The following TSPAN18 variants were observed in gnomAD, a reference collection of about 807,000 sequenced individuals.
TSPAN18 encodes tetraspanin 18, also known as tetraspanin-18.
A neutral mutation model predicts 27.3 loss-of-function variants in TSPAN18; 14 were observed. That is an observed-to-expected ratio of 0.51 (90% CI 0.34 to 0.80). TSPAN18 has a LOEUF of 0.80. TSPAN18 is among the 30% of genes least tolerant of loss of function. The probability of loss-of-function intolerance (pLI) is 0.01; values close to 1 mark genes in which losing one functional copy is unlikely to be tolerated. For missense variants in TSPAN18, 268 were observed against 323.9 expected, an observed-to-expected ratio of 0.83 and a Z score of 1.32; for synonymous variants, 143 against 136.5, an observed-to-expected ratio of 1.05 and a Z score of -0.33.
intron 2 of TSPAN18, among the ~76,000 whole-genome samples, chr11:44,809,837 C>T (rs965578690): frequency 1.3e-5 from 2 of 152,178 alleles, no homozygotes; most frequent in African/African-American, 2.4e-5. Context: ...TTCAGCACAG[C>T]GATTGGGCCA....
chr11:44,817,558 A>C (rs1348853332), intron 2 of TSPAN18, among the ~76,000 whole-genome samples: 2 of 152,208 alleles, frequency 1.3e-5, no homozygotes, highest in Non-Finnish European at 2.9e-5. Context: ...TTTTCTTCTC[A>C]CAGCAATTGA....
chr11:44,791,082 T>C (rs1002486800), intron 2 of TSPAN18, among the ~76,000 whole-genome samples: 1 of 152,198 alleles, frequency 6.6e-6, no homozygotes, highest in African/African-American at 2.4e-5. Flanking sequence ...TCCAGTCTGC[T>C]GCTGTCTCAA....
chr11:44,749,061 G>A (rs1855149300), intron 1 of TSPAN18, among the ~76,000 whole-genome samples: 1 of 152,212 alleles, frequency 6.6e-6, no homozygotes, highest in Admixed American at 6.5e-5. Context: ...GTCTGGCAGA[G>A]CTGGATCTGC....
chr11:44,749,326 A>G (rs985238456), intron 1 of TSPAN18, among the ~76,000 whole-genome samples: 63 of 152,346 alleles, frequency 4.1e-4, no homozygotes, highest in African/African-American at 1.5e-3. Context: ...GAGGGAGGTA[A>G]ACTGCCTGGG....
chr11:44,859,291 G>C (rs907365619), intron 2 of TSPAN18, among the ~76,000 whole-genome samples: 2 of 152,182 alleles, frequency 1.3e-5, no homozygotes, highest in African/African-American at 4.8e-5. Flanking sequence ...TGGTGTTCCA[G>C]GTCCCCTGAC....
chr11:44,849,152 G>T (rs1857545714), intron 2 of TSPAN18, among the ~76,000 whole-genome samples: 1 of 152,160 alleles, frequency 6.6e-6, no homozygotes, highest in East Asian at 1.9e-4. Flanking sequence ...GGGGCAGGGG[G>T]GCAGTGGTGA....
chr11:44,908,769 GAGAA>G (rs370907948), intron 4 of TSPAN18, among the ~76,000 whole-genome samples: 4,113 of 71,550 alleles, frequency 0.057, 324 homozygotes, highest in Non-Finnish European at 0.068. Flanking sequence ...AGAGAGAAAG[GAGAA>G]AGAAAGAAAG....
At chr11:44,743,260 C>G (rs1360285366) in intron 1 of TSPAN18, among the ~76,000 whole-genome samples, 1 of 152,106 alleles carries the variant, frequency 6.6e-6, no homozygotes, top group Non-Finnish European at 1.5e-5. Context: ...AGGTTTGCGT[C>G]AGGAAAAGTG....
At chr11:44,831,817 G>T (rs1283464575) in intron 2 of TSPAN18, among the ~76,000 whole-genome samples, 3 of 152,178 alleles carry the variant, frequency 2.0e-5, no homozygotes, top group Non-Finnish European at 4.4e-5. Context: ...GGTGTGGCTG[G>T]TGGGGTGGGA....
At chr11:44,734,392 C>T (rs1310628080) in intron 1 of TSPAN18, among the ~76,000 whole-genome samples, 2 of 152,248 alleles carry the variant, frequency 1.3e-5, no homozygotes, top group Non-Finnish European at 2.9e-5. Context: ...TTGTTCATCT[C>T]TCTTAGCCTG....
chr11:44,740,472 C>T (rs1389625114), intron 1 of TSPAN18, among the ~76,000 whole-genome samples: 1 of 152,168 alleles, frequency 6.6e-6, no homozygotes, highest in Non-Finnish European at 1.5e-5. Flanking sequence ...GGGCATGGGG[C>T]ACCTGGTGCT....
intron 2 of TSPAN18, among the ~76,000 whole-genome samples, chr11:44,809,503 G>C (rs1856669396): frequency 6.6e-6 from 1 of 152,230 alleles, no homozygotes. Context: ...GAAGCAGAGA[G>C]CCACAGGTCC....
chr11:44,832,202 A>G (rs1857169206), intron 2 of TSPAN18, among the ~76,000 whole-genome samples: 1 of 152,162 alleles, frequency 6.6e-6, no homozygotes, highest in African/African-American at 2.4e-5. Flanking sequence ...TGCCCGTGCT[A>G]GGTGGGCAGT....
chr11:44,733,818 C>T (rs1469819932), intron 1 of TSPAN18, among the ~76,000 whole-genome samples: 1 of 152,170 alleles, frequency 6.6e-6, no homozygotes, highest in Non-Finnish European at 1.5e-5. Flanking sequence ...CTGCAGCTCC[C>T]ATCCACCTGT....
intron 1 of TSPAN18, among the ~76,000 whole-genome samples, chr11:44,757,612 TG>T (rs1054699941): frequency 9.2e-5 from 14 of 152,290 alleles, no homozygotes; most frequent in African/African-American, 1.9e-4. Flanking sequence ...CTTGGACTCT[TG>T]GGCTCAAGAG....
chr11:44,911,888 G>A (rs979008856), intron 5 of TSPAN18, among the ~76,000 whole-genome samples: 10 of 151,808 alleles, frequency 6.6e-5, no homozygotes, highest in African/African-American at 2.4e-4. Flanking sequence ...CTGCCAGGCT[G>A]GGGGCCCTTC....
intron 2 of TSPAN18, among the ~76,000 whole-genome samples, chr11:44,856,772 C>T (rs1450159505): frequency 6.6e-6 from 1 of 152,176 alleles, no homozygotes; most frequent in East Asian, 1.9e-4. Flanking sequence ...TCAAGACCAG[C>T]CCCACGCAAA....
At chr11:44,858,852 A>G (rs835756) in intron 2 of TSPAN18, among the ~76,000 whole-genome samples, 32,883 of 152,120 alleles carry the variant, frequency 0.22, 4,766 homozygotes, top group East Asian at 0.73. Flanking sequence ...ATGGCTGTGT[A>G]TGCTGCTATT....
intron 2 of TSPAN18, among the ~76,000 whole-genome samples, chr11:44,847,883 G>C (rs950806582): frequency 1.3e-5 from 2 of 152,018 alleles, no homozygotes; most frequent in African/African-American, 4.8e-5. Context: ...GCCCAGGCTG[G>C]AGTGCAATGG....
Sources: gnomAD v4.1 joint callset for allele counts (sites outside exome capture counted in the v4.1 genomes callset) on GRCh38, gnomAD v4.1.1 for gene constraint, MANE v1.5 for transcripts, NCBI Gene and HGNC (gene_info 2026-07-23, HGNC 2026-07-21) for gene names.